The following SERPINB8 variants were observed in gnomAD, a reference collection of about 807,000 sequenced individuals.
The protein encoded by SERPINB8 is serpin family B member 8.
SERPINB8 carries 25 observed loss-of-function variants against 35.3 expected under a neutral mutation model. The observed-to-expected ratio is 0.71, with a 90% CI of 0.52 to 0.99. SERPINB8 has a LOEUF of 0.99. Ranked by LOEUF, SERPINB8 falls within the 50% of genes least tolerant of loss-of-function variation. The probability of loss-of-function intolerance (pLI) is 0.00; values close to 1 mark genes in which losing one functional copy is unlikely to be tolerated. For synonymous variants in SERPINB8, 186 were observed against 160.8 expected, an observed-to-expected ratio of 1.16 and a Z score of -1.19; for missense variants, 484 against 446.5, an observed-to-expected ratio of 1.08 and a Z score of -0.76.
Position 63,989,212 on chromosome 18 carries a change from TTGTA to T in SERPINB8, c.*1940_*1943del, listed in dbSNP as rs1313500144. On this transcript the variant is annotated 3_prime_UTR_variant, in exon 7 of 7. Transcript: ENST00000397985. ...ATTATTTTGAGATTCATTTATGTTA[TTGTA>T]TGTATCAATAGTTCATCCCTTTTAT... The T allele has an allele frequency of 6.6e-6, 1 of 152,262 alleles. No homozygotes were observed. The highest frequency in any genetic ancestry group is 2.4e-5 in the African/African-American group (1 of 41,476). The allele number at this position is 152,262 out of a possible 1,614,324, so 9.4% of individuals were successfully genotyped here. A position where few individuals can be genotyped will look rare whatever the true frequency, so the allele number is the denominator to read the frequency against.
chr18:63,997,431 G>A (rs941603682), intron 1 of SERPINB8, among the ~76,000 whole-genome samples: 1 of 152,194 alleles, frequency 6.6e-6, no homozygotes, highest in Admixed American at 6.5e-5. Context: ...CCCCTCCCAG[G>A]CATGTCGTCC....
intron 7 of SERPINB8, among the ~76,000 whole-genome samples, chr18:64,012,250 A>G (rs973872408): frequency 2.0e-5 from 3 of 152,200 alleles, no homozygotes; most frequent in South Asian, 2.1e-4. Flanking sequence ...TTCAATTGCC[A>G]GAGCTTTTAT....
chr18:63,978,403 C>T lies in SERPINB8; in HGVS notation c.95C>T (p.Pro32Leu), dbSNP rs1366149535. Residue 32 changes from proline to leucine, a missense_variant, in exon 2 of 7, where the codon CCC becomes CTC. Coordinates refer to ENST00000397985, the MANE Select transcript of SERPINB8 (RefSeq NM_002640.4). The stretch of plus-strand genomic sequence containing the variant: ...AACTCAAGAAACGTATTCTTCTCTC[C>T]CATGAGCATCTCCTCTGCCCTGGCC... ...EDNSRNVFFS[P>L]MSISSALAMV... is the part of the protein sequence containing the mutation. The T allele has an allele frequency of 6.2e-7, 1 of 1,614,204 alleles. No homozygotes were observed. The highest frequency in any genetic ancestry group is 1.3e-5 in the African/African-American group (1 of 75,050).
intron 2 of SERPINB8, 41 bp downstream of exon 2, chr18:63,978,517 C>G: frequency 1.2e-6 from 2 of 1,602,718 alleles, no homozygotes; most frequent in Admixed American, 3.4e-5. Context: ...CAGTGTGTTT[C>G]CCTTGTGCTT....
At chr18:63,991,960 A>G (rs2050827102), downstream of SERPINB8, among the ~76,000 whole-genome samples, 1 of 152,214 alleles carries the variant, frequency 6.6e-6, no homozygotes, top group African/African-American at 2.4e-5. Context: ...GAATGTTGAA[A>G]CAATCTTGCG....
chr18:63,990,369 C>A (rs1367960755), downstream of SERPINB8, among the ~76,000 whole-genome samples: 1 of 152,082 alleles, frequency 6.6e-6, no homozygotes, highest in African/African-American at 2.4e-5. Flanking sequence ...AGCCACCGCA[C>A]CTGGCCTTTT....
At chr18:64,001,556 T>A (rs2050875180) in intron 1 of SERPINB8, among the ~76,000 whole-genome samples, 1 of 152,148 alleles carries the variant, frequency 6.6e-6, no homozygotes. Flanking sequence ...AATGGAGCAA[T>A]CTCTGCTCAC....
intron 7 of SERPINB8, among the ~76,000 whole-genome samples, chr18:64,016,757 G>A (rs2050952331): frequency 6.6e-6 from 1 of 152,080 alleles, no homozygotes; most frequent in Non-Finnish European, 1.5e-5. Flanking sequence ...CCTGAATTAT[G>A]GGTATGGAAG....
Position 63,981,718 on chromosome 18 carries a change from C to A in SERPINB8, c.307-3C>A. ...GACTAAACTCAGTGTTTTGTGTTTG[C>A]AGGACTTTAAAGAATACTGTCAGAA... On this transcript the variant is annotated splice_region_variant and splice_polypyrimidine_tract_variant and intron_variant, in intron 3 of 6. Coordinates refer to ENST00000397985, the MANE Select transcript of SERPINB8 (RefSeq NM_002640.4). The A allele has an allele frequency of 3.1e-6, 5 of 1,597,806 alleles. No individual in the cohort carries two copies. Among genetic ancestry groups the A allele is most frequent in the Non-Finnish European group, 4.3e-6 (5 of 1,167,604 alleles).
chr18:63,971,087 G>A (rs2050470050), intron 1 of SERPINB8, among the ~76,000 whole-genome samples: 1 of 152,070 alleles, frequency 6.6e-6, no homozygotes, highest in Non-Finnish European at 1.5e-5. Flanking sequence ...TCTTCCCTGG[G>A]TCCACTCGCA....
chr18:64,012,375 A>G (rs1327789752), intron 7 of SERPINB8, among the ~76,000 whole-genome samples: 1 of 152,162 alleles, frequency 6.6e-6, no homozygotes, highest in Non-Finnish European at 1.5e-5. Flanking sequence ...TACTGTCTAG[A>G]AAGTATACAC....
chr18:64,009,352 T>C (rs1217927534), downstream of SERPINB8, among the ~76,000 whole-genome samples: 1 of 152,192 alleles, frequency 6.6e-6, no homozygotes, highest in Non-Finnish European at 1.5e-5. Flanking sequence ...TTTAAAAATT[T>C]ACATAAATAA....
intron 1 of SERPINB8, among the ~76,000 whole-genome samples, chr18:63,971,241 G>A (rs2050475006): frequency 6.6e-6 from 1 of 152,124 alleles, no homozygotes; most frequent in Admixed American, 6.5e-5. Context: ...AGAAATAGGT[G>A]GATTTCTTCC....
At chr18:64,017,869 G>T (rs944241399) in intron 7 of SERPINB8, among the ~76,000 whole-genome samples, 5 of 152,004 alleles carry the variant, frequency 3.3e-5, no homozygotes, top group Non-Finnish European at 4.4e-5. Flanking sequence ...GAATTTTTTT[G>T]ACTCTTATTT....
Position 63,985,181 on chromosome 18 carries a change from C to G in SERPINB8, c.656C>G (p.Pro219Arg). Reference protein sequence around the residue: ...DEVHTQVLELPYVEEELSMVI... With the variant: ...DEVHTQVLELRYVEEELSMVI... ...GTACACACCCAGGTCCTGGAGCTGC[C>G]CTATGTGGAAGAGGAGCTGAGCATG... Residue 219 changes from proline (P) to arginine (R), a missense_variant, in exon 6 of 7, where the codon CCC (proline) becomes CGC (arginine). Coordinates refer to ENST00000397985, the MANE Select transcript of SERPINB8 (RefSeq NM_002640.4). 1 of 1,614,090 alleles carries G rather than the reference C, an allele frequency of 6.2e-7. No individual in the cohort carries two copies. The highest frequency in any genetic ancestry group is 8.5e-7 in the Non-Finnish European group (1 of 1,180,022).
Position 63,988,390 on chromosome 18 carries a change from T to C in SERPINB8, c.*1112T>C, listed in dbSNP as rs1019155810. 1.9e-4 allele frequency: 29 copies of C among 152,326 alleles called. No homozygotes were observed. Among genetic ancestry groups the C allele is most frequent in the African/African-American group, 6.7e-4 (28 of 41,576 alleles). The allele number at this position is 152,326 out of a possible 1,614,324, so 9.4% of individuals were successfully genotyped here. ...TTTTAGACAGTTTGAGTAATTAAAA[T>C]TATTTCTATTAACAAATAATAGATT... On this transcript the variant is annotated 3_prime_UTR_variant, in exon 7 of 7. Coordinates refer to ENST00000397985, the MANE Select transcript of SERPINB8 (RefSeq NM_002640.4).
downstream of SERPINB8, among the ~76,000 whole-genome samples, chr18:63,993,643 A>G (rs892275173): frequency 9.2e-5 from 14 of 152,204 alleles, no homozygotes; most frequent in African/African-American, 3.4e-4. Flanking sequence ...TTGTTGAGAG[A>G]TGAGTGTTGA....
chr18:63,981,321 C>A (rs1282893745), intron 3 of SERPINB8, among the ~76,000 whole-genome samples: 2 of 152,222 alleles, frequency 1.3e-5, no homozygotes, highest in Non-Finnish European at 2.9e-5. Context: ...CTCGTTTAAC[C>A]AAAACCACAA....
In SERPINB8 at chr18:63,987,322, C is replaced by T; in HGVS notation, c.*44C>T. ...CATACCCTCCTTTCCTTCTACCTAT[C>T]TTGCCTTAATTAACATTCCCTGTGA... On this transcript the variant is annotated 3_prime_UTR_variant, in exon 7 of 7. Transcript: ENST00000397985. 3 of 1,553,880 alleles carry T rather than the reference C, an allele frequency of 1.9e-6. No individual in the cohort carries two copies. Among genetic ancestry groups the T allele is most frequent in the Non-Finnish European group, 2.6e-6 (3 of 1,149,076 alleles).
Sources: gnomAD v4.1 joint callset for allele counts (sites outside exome capture counted in the v4.1 genomes callset) on GRCh38, gnomAD v4.1.1 for gene constraint, MANE v1.5 for transcripts, NCBI Gene and HGNC (gene_info 2026-07-23, HGNC 2026-07-21) for gene names.